Variants in RALGAPA1 observed in about 807,000 individuals in gnomAD.
RALGAPA1 encodes the protein ral GTPase-activating protein subunit alpha-1.
A neutral mutation model predicts 269.6 loss-of-function variants in RALGAPA1; 52 were observed. That is an observed-to-expected ratio of 0.19 (90% confidence interval 0.15 to 0.24). The LOEUF is 0.24. Ranked by LOEUF, RALGAPA1 falls within the 10% of genes least tolerant of loss-of-function variation. The pLI, the probability that RALGAPA1 is intolerant of heterozygous loss-of-function variation, is 1.00. For synonymous variants in RALGAPA1, 817 were observed against 1,008.3 expected (o/e 0.81, Z 3.60); for missense variants, 1,917 against 3,013.9 (o/e 0.64, Z 8.52).
intron 41 of RALGAPA1, among the ~76,000 whole-genome samples, chr14:35,543,168 C>T (rs943862963): frequency 1.3e-5 from 2 of 152,232 alleles, no homozygotes; most frequent in Admixed American, 6.5e-5. Context: ...CTTGGGCAAA[C>T]TGACTTGAGA....
At chr14:35,570,510 T>C in intron 39 of RALGAPA1, 107 bp downstream of exon 39, 1 of 927,228 alleles carries the variant, frequency 1.1e-6, no homozygotes, top group Non-Finnish European at 1.5e-6. Flanking sequence ...AAAATAATAA[T>C]TAAAAAAACC....
intron 37 of RALGAPA1, among the ~76,000 whole-genome samples, chr14:35,593,727 G>A (rs1041976879): frequency 6.6e-6 from 1 of 151,950 alleles, no homozygotes; most frequent in African/African-American, 2.4e-5. Context: ...GCGTGGTGGC[G>A]AGTGCCTATA....
At chr14:35,680,256 G>A (rs1027684332) in intron 21 of RALGAPA1, among the ~76,000 whole-genome samples, 2 of 152,134 alleles carry the variant, frequency 1.3e-5, no homozygotes, top group Admixed American at 6.6e-5. Flanking sequence ...TGCTCAGGGT[G>A]GAATGCAGCG....
chr14:35,714,878 G>C (rs1027048281), intron 16 of RALGAPA1, among the ~76,000 whole-genome samples: 3 of 152,122 alleles, frequency 2.0e-5, no homozygotes, highest in African/African-American at 7.2e-5. Flanking sequence ...TATAATGATA[G>C]TTATTTTTCC....
chr14:35,805,432 A>G (rs1288795145), intron 1 of RALGAPA1, among the ~76,000 whole-genome samples: 1 of 140,496 alleles, frequency 7.1e-6, no homozygotes, highest in African/African-American at 2.7e-5. Flanking sequence ...ACAGAGTGAG[A>G]CTCCGTGTCA....
intron 4 of RALGAPA1, chr14:35,767,163 CAAGTTT>C (rs1314952440): frequency 5.3e-5 from 10 of 188,498 alleles, no homozygotes; most frequent in African/African-American, 2.4e-4. Context: ...TTTATACTAT[CAAGTTT>C]ATTTCCTATG....
At chr14:35,717,861 AT>A (rs1178941001) in intron 16 of RALGAPA1, among the ~76,000 whole-genome samples, 1 of 152,038 alleles carries the variant, frequency 6.6e-6, no homozygotes, top group Non-Finnish European at 1.5e-5. Context: ...CCTGGCCAAC[AT>A]TTTTTTGATA....
At chr14:35,728,624 T>C in intron 12 of RALGAPA1, 114 bp from the exon 13 acceptor site, 1 of 1,358,326 alleles carries the variant, frequency 7.4e-7, no homozygotes. Flanking sequence ...GCTTAATAAC[T>C]GAAACATAAA....
chr14:35,798,197 G>T (rs1427954149), intron 1 of RALGAPA1, among the ~76,000 whole-genome samples: 1 of 147,858 alleles, frequency 6.8e-6, no homozygotes, highest in Admixed American at 6.8e-5. Context: ...CCTAAAACCC[G>T]GTCTTGGACT....
At chr14:35,568,841 G>T (rs1424766681) in intron 39 of RALGAPA1, among the ~76,000 whole-genome samples, 1 of 152,066 alleles carries the variant, frequency 6.6e-6, no homozygotes, top group Non-Finnish European at 1.5e-5. Context: ...AAATAAACTC[G>T]CCATGTCCAT....
At chr14:35,642,986 T>C (rs1594939514) in intron 31 of RALGAPA1, among the ~76,000 whole-genome samples, 1 of 152,142 alleles carries the variant, frequency 6.6e-6, no homozygotes, top group Non-Finnish European at 1.5e-5. Flanking sequence ...ATATACACCA[T>C]GGAATACTAT....
Position 35,765,682 on chromosome 14 carries a change from G to C in RALGAPA1, c.326-2929C>G, listed in dbSNP as rs149449046. ...GCTAATTTTTGTATTTTTTTGTAGA[G>C]TTGGGGTACTGCCATGTTACCCAGG... On this transcript the variant is annotated intron_variant, in intron 4 of 41. Transcript: ENST00000680220. 1,224 of 262,682 alleles carry C rather than the reference G, an allele frequency of 4.7e-3. 18 individuals are homozygous for C. The highest frequency in any genetic ancestry group is 0.026 in the African/African-American group (1,155 of 44,064). 16.3% of individuals were successfully genotyped at this position (262,682 alleles called of 1,614,324 possible). A position where few individuals can be genotyped will look rare whatever the true frequency, so the allele number is the denominator to read the frequency against.
intron 30 of RALGAPA1, among the ~76,000 whole-genome samples, chr14:35,652,283 A>C (rs547690075): frequency 3.9e-5 from 6 of 152,156 alleles, no homozygotes; most frequent in African/African-American, 1.4e-4. Context: ...GGCGACAGAG[A>C]CCCTGTCTCA....
chr14:35,552,751 G>A (rs1384463650), intron 39 of RALGAPA1, among the ~76,000 whole-genome samples: 1 of 150,394 alleles, frequency 6.6e-6, no homozygotes, highest in Non-Finnish European at 1.5e-5. Context: ...CACAGGTGCT[G>A]CAATCACAGC....
chr14:35,644,992 T>A (rs2062297906), intron 31 of RALGAPA1, among the ~76,000 whole-genome samples: 1 of 152,208 alleles, frequency 6.6e-6, no homozygotes, highest in South Asian at 2.1e-4. Context: ...TCTTATTCTG[T>A]CTGTGCTGGC....
chr14:35,547,080 C>G (rs2054528466), intron 41 of RALGAPA1, among the ~76,000 whole-genome samples: 1 of 152,050 alleles, frequency 6.6e-6, no homozygotes, highest in Admixed American at 6.6e-5. Context: ...TTTTGAAAAT[C>G]AGAGTGCATA....
At chr14:35,631,777 C>T (rs1192150198) in intron 33 of RALGAPA1, among the ~76,000 whole-genome samples, 1 of 152,074 alleles carries the variant, frequency 6.6e-6, no homozygotes, top group East Asian at 1.9e-4. Context: ...CTTTTACATA[C>T]AAAACTGGAT....
intron 31 of RALGAPA1, among the ~76,000 whole-genome samples, chr14:35,645,304 G>A (rs912479834): frequency 9.2e-5 from 14 of 151,394 alleles, no homozygotes; most frequent in African/African-American, 1.7e-4. Context: ...TATGAACTTC[G>A]GGAGAGACAC....
chr14:35,807,632 T>G (rs953450000), intron 1 of RALGAPA1, among the ~76,000 whole-genome samples: 1 of 152,200 alleles, frequency 6.6e-6, no homozygotes, highest in African/African-American at 2.4e-5. Context: ...ATAGAGTTAT[T>G]GCAAGGATTA....
Sources: allele counts gnomAD v4.1 joint callset (sites outside exome capture counted in the v4.1 genomes callset), GRCh38; gene constraint gnomAD v4.1.1; transcripts MANE v1.5; gene names NCBI Gene and HGNC (gene_info 2026-07-23, HGNC 2026-07-21).